DNAH12: variants seen among roughly 807,000 people sequenced by gnomAD.
DNAH12 encodes axonemal beta dynein heavy chain 12.
In DNAH12, 285 loss-of-function variants were observed where a neutral mutation model predicts 371.5. The ratio of observed to expected loss-of-function variants is 0.77; its 90% CI spans 0.70 to 0.85. DNAH12 has a LOEUF of 0.85. Ranked by LOEUF, DNAH12 falls within the 40% of genes least tolerant of loss-of-function variation. The pLI, the probability that DNAH12 is intolerant of heterozygous loss-of-function variation, is 0.00. For missense variants in DNAH12, 3,611 were observed against 3,689.4 expected (o/e 0.98, Z 0.55); for synonymous variants, 1,200 against 1,213.0 (o/e 0.99, Z 0.22).
chr3:57,539,685 C>T (rs963666536), intron 2 of DNAH12, among the ~76,000 whole-genome samples: 1 of 145,376 alleles, frequency 6.9e-6, no homozygotes, highest in African/African-American at 2.6e-5. Flanking sequence ...ACAATCTTGG[C>T]TCACTGCAAC....
chr3:57,370,852 G>C (rs1205352030), intron 55 of DNAH12, among the ~76,000 whole-genome samples: 1 of 152,100 alleles, frequency 6.6e-6, no homozygotes. Context: ...AGGCTCACTA[G>C]GTCCATATGT....
the DNAH12 span, among the ~76,000 whole-genome samples, chr3:57,551,779 C>T: frequency 6.7e-6 from 1 of 150,136 alleles, no homozygotes; most frequent in Non-Finnish European, 1.5e-5. Flanking sequence ...ATTTAGCTTT[C>T]TATATCATAT....
rs1393319891 is a variant in DNAH12 at position 57,429,195 on chromosome 3, A to G, written c.5065-374T>C. 6.2e-5 allele frequency among the ~76,000 whole-genome samples: 9 copies of G among 145,666 alleles called. No homozygotes were observed. In the East Asian group the frequency reaches 1.8e-3, roughly 29 times the overall value. On this transcript the variant is annotated intron_variant, in intron 33 of 73. Transcript: ENST00000495027. ...TCTCCACACATTTTTTTTTTTTTTG[A>G]GACGGAGTTTCACTCTTGTTGCCCA...
intron 37 of DNAH12, among the ~76,000 whole-genome samples, chr3:57,416,442 G>T (rs973229264): frequency 6.6e-6 from 1 of 152,092 alleles, no homozygotes; most frequent in African/African-American, 2.4e-5. Flanking sequence ...ATGTAATATC[G>T]CTATATATAA....
At chr3:57,533,074 C>T (rs963903796) in intron 2 of DNAH12, among the ~76,000 whole-genome samples, 8 of 152,210 alleles carry the variant, frequency 5.3e-5, no homozygotes, top group Admixed American at 5.2e-4. Context: ...ACTTTTCCCT[C>T]CCCTTTCACA....
chr3:57,534,126 T>C (rs964929580), intron 2 of DNAH12, among the ~76,000 whole-genome samples: 1 of 152,118 alleles, frequency 6.6e-6, no homozygotes, highest in Non-Finnish European at 1.5e-5. Context: ...TCAGTTTTGC[T>C]TTCCACTGTG....
intron 39 of DNAH12, among the ~76,000 whole-genome samples, chr3:57,410,646 T>C (rs1206896103): frequency 1.3e-5 from 2 of 151,902 alleles, no homozygotes; most frequent in Non-Finnish European, 2.9e-5. Context: ...GGCAAAACCG[T>C]CTCTACTAAA....
rs77928536 is a variant in DNAH12 at position 57,509,418 on chromosome 3, G to C, written c.470-206C>G. Reference sequence around the variant, plus strand: ...TTCAGATAACGAAAAGCTTTAATAAGATCTCAGTTTTTCACATTCCATCTA... The same window carrying C: ...TTCAGATAACGAAAAGCTTTAATAACATCTCAGTTTTTCACATTCCATCTA... On this transcript the variant is annotated intron_variant, in intron 5 of 73. Coordinates refer to ENST00000495027, the MANE Select transcript of DNAH12 (RefSeq NM_001366028.2). Among the ~76,000 whole-genome samples, 80 of 152,182 alleles carry C rather than the reference G, an allele frequency of 5.3e-4. 1 individual carries two copies. In the East Asian group the frequency reaches 8.5e-3, roughly 16 times the overall value.
At chr3:57,350,523 T>C (rs114059604) in intron 60 of DNAH12, among the ~76,000 whole-genome samples, 3,520 of 152,044 alleles carry the variant, frequency 0.023, 59 homozygotes, top group Admixed American at 0.035. Flanking sequence ...CACACACACA[T>C]CAGTTGCATG....
intron 8 of DNAH12, among the ~76,000 whole-genome samples, chr3:57,504,937 G>C (rs1490219529): frequency 6.6e-6 from 1 of 150,938 alleles, no homozygotes; most frequent in African/African-American, 2.4e-5. Flanking sequence ...GCCCAGGTTG[G>C]AGTGCAGTGG....
intron 58 of DNAH12, among the ~76,000 whole-genome samples, chr3:57,361,393 A>G (rs1012015286): frequency 0.66 from 93,987 of 142,972 alleles, 31,537 homozygotes; most frequent in Non-Finnish European, 0.74. Context: ...ATATATATAC[A>G]TACGCACTAT....
intron 36 of DNAH12, among the ~76,000 whole-genome samples, chr3:57,420,593 G>C (rs1457353461): frequency 6.6e-6 from 1 of 151,988 alleles, no homozygotes; most frequent in Admixed American, 6.6e-5. Context: ...GGATAGTTTG[G>C]TATTTATTTT....
intron 62 of DNAH12, 35 bp downstream of exon 62, chr3:57,334,430 A>T: frequency 6.6e-7 from 1 of 1,517,404 alleles, no homozygotes; most frequent in African/African-American, 1.4e-5. Context: ...ATGGCAAATT[A>T]TCTGGGTTCC....
chr3:57,359,305 A>T (rs2062868359), intron 58 of DNAH12, among the ~76,000 whole-genome samples: 1 of 151,800 alleles, frequency 6.6e-6, no homozygotes, highest in South Asian at 2.1e-4. Context: ...CACGCCTGTA[A>T]TCCCAGCACT....
intron 37 of DNAH12, 128 bp downstream of exon 37, chr3:57,419,239 T>C: frequency 1.1e-6 from 1 of 927,378 alleles, no homozygotes; most frequent in African/African-American, 1.8e-5. Context: ...ACTTTCAACA[T>C]GCCAACAAGT....
chr3:57,364,747 C>T (rs958189552), intron 57 of DNAH12, among the ~76,000 whole-genome samples: 61 of 152,064 alleles, frequency 4.0e-4, no homozygotes, highest in Admixed American at 3.2e-3. Context: ...CCAGAATCTA[C>T]AAAGAACTTA....
chr3:57,392,353 G>T (rs2063642311), intron 44 of DNAH12, among the ~76,000 whole-genome samples: 1 of 151,940 alleles, frequency 6.6e-6, no homozygotes, highest in African/African-American at 2.4e-5. Context: ...GTTTTTAAGA[G>T]AAAAAAATGT....
intron 4 of DNAH12, among the ~76,000 whole-genome samples, chr3:57,514,790 G>GA (rs1470574089): frequency 1.3e-5 from 2 of 152,158 alleles, no homozygotes; most frequent in African/African-American, 2.4e-5. Context: ...TTACCTAGCT[G>GA]AAAATGTATT....
At chr3:57,552,103 G>C in the DNAH12 span, among the ~76,000 whole-genome samples, 1 of 151,702 alleles carries the variant, frequency 6.6e-6, no homozygotes, top group Non-Finnish European at 1.5e-5. Flanking sequence ...AAATTAGCTG[G>C]GCATGGTGGC....
Sources: allele counts gnomAD v4.1 joint callset (sites outside exome capture counted in the v4.1 genomes callset), GRCh38; gene constraint gnomAD v4.1.1; transcripts MANE v1.5; gene names NCBI Gene and HGNC (gene_info 2026-07-23, HGNC 2026-07-21).